COL9A2: variants seen among roughly 807,000 people sequenced by gnomAD.
The protein encoded by COL9A2 is collagen alpha-2(IX) chain.
COL9A2 carries 66 observed loss-of-function variants against 111.6 expected under a neutral mutation model. The observed-to-expected ratio is 0.59, with a 90% CI of 0.48 to 0.73. COL9A2 has a LOEUF of 0.73. Among genes scored for constraint, COL9A2 ranks in the 30% least tolerant of loss-of-function variants. The probability of loss-of-function intolerance (pLI) is 0.00; values close to 1 mark genes in which losing one functional copy is unlikely to be tolerated. For missense variants in COL9A2, 881 were observed against 954.1 expected, an observed-to-expected ratio of 0.92 and a Z score of 1.01; for synonymous variants, 353 against 364.1, an observed-to-expected ratio of 0.97 and a Z score of 0.35.
In COL9A2 at chr1:40,307,594, G is replaced by T; in HGVS notation, c.955-95C>A. 6.3e-7 allele frequency: 1 copy of T among 1,579,976 alleles called. No individual in the cohort carries two copies. The highest frequency in any genetic ancestry group is 8.7e-7 in the Non-Finnish European group (1 of 1,153,720). On this transcript the variant is annotated intron_variant, in intron 18 of 31. Coordinates refer to ENST00000372748, the MANE Select transcript of COL9A2 (RefSeq NM_001852.4). The surrounding 1 kb of genome is among the most constrained non-coding windows in gnomAD (Gnocchi z 4.8). ...GCAGGTAGGGAAACTGAGATCCAGA[G>T]GCAAGAAAGGGCATGTCCATGACCT...
Position 40,316,410 on chromosome 1 carries a change from T to G in COL9A2, c.75+713A>C, listed in dbSNP as rs1644219655. On this transcript the variant is annotated intron_variant, in intron 1 of 31. Coordinates refer to ENST00000372748, the MANE Select transcript of COL9A2 (RefSeq NM_001852.4). The surrounding 1 kb of genome is among the most constrained non-coding windows in gnomAD (Gnocchi z 5.5). ...AATGCCCCTGGGTGGGTGTGAGGTT[T>G]CAGGGAGGTCACAAGTCATATCAAG... is the stretch of plus-strand genomic sequence containing the variant. Among the ~76,000 whole-genome samples the G allele has an allele frequency of 6.6e-6, 1 of 152,140 alleles. No homozygotes were observed. The highest frequency in any genetic ancestry group is 2.4e-5 in the African/African-American group (1 of 41,438).
At position 40,302,389 on chromosome 1, in the gene COL9A2, G is replaced by A. The variant is rs1241764900; in HGVS notation, c.1792+232C>T. Among the ~76,000 whole-genome samples the A allele has an allele frequency of 6.6e-6, 1 of 152,288 alleles. No homozygotes were observed. Among genetic ancestry groups the A allele is most frequent in the African/African-American group, 2.4e-5 (1 of 41,564 alleles). ...CTATTGACATGGAAAGATGCTTATG[G>A]GGTACCACTAAGCACATTCAAAAAC... On this transcript the variant is annotated intron_variant, in intron 30 of 31. Coordinates refer to ENST00000372748, the MANE Select transcript of COL9A2 (RefSeq NM_001852.4). The surrounding 1 kb of genome is among the most constrained non-coding windows in gnomAD (Gnocchi z 4.5).
Position 40,301,416 on chromosome 1 carries a change from C to T in COL9A2, c.1871-35G>A, listed in dbSNP as rs1311105782. 3.2e-6 allele frequency: 5 copies of T among 1,569,400 alleles called. No individual in the cohort carries two copies. The East Asian group carries it at 6.8e-5, about 21-fold the overall frequency. On this transcript the variant is annotated intron_variant, in intron 31 of 31. Coordinates refer to ENST00000372748, the MANE Select transcript of COL9A2 (RefSeq NM_001852.4). Reference sequence around the variant, plus strand: ...GGAGAAAGTCAAGACATTAGGGGCACCTCTTGTCTCAGGCCCAGAATTTTG... The same window carrying T: ...GGAGAAAGTCAAGACATTAGGGGCATCTCTTGTCTCAGGCCCAGAATTTTG...
Position 40,304,539 on chromosome 1 carries a change from A to C in COL9A2, c.1162-10T>G, listed in dbSNP as rs754071239. The C allele has an allele frequency of 4.3e-6, 7 of 1,614,082 alleles. No homozygotes were observed. The East Asian group carries it at 1.6e-4, about 36-fold the overall frequency. On this transcript the variant is annotated splice_polypyrimidine_tract_variant and intron_variant, in intron 22 of 31. Coordinates refer to ENST00000372748, the MANE Select transcript of COL9A2 (RefSeq NM_001852.4). ...TCTCGCCTTGGTCACCCTGAAATGG[A>C]AAGAGAAGGTCACAACCTCAGCAGC...
Position 40,301,071 on chromosome 1 carries a change from G to A in COL9A2, c.*111C>T, listed in dbSNP as rs114634369. ...CCTTAGGACTCCTGAGTCCCAGACAGAAGGTCCTGGGGGAGATGGTTTCCT... is the reference window on the plus strand; with the variant it reads ...CCTTAGGACTCCTGAGTCCCAGACAAAAGGTCCTGGGGGAGATGGTTTCCT... On this transcript the variant is annotated 3_prime_UTR_variant, in exon 32 of 32. Coordinates refer to ENST00000372748, the MANE Select transcript of COL9A2 (RefSeq NM_001852.4). 5.7e-4 allele frequency: 652 copies of A among 1,146,684 alleles called. 3 individuals are homozygous for A. In the African/African-American group the frequency reaches 8.6e-3, roughly 15 times the overall value. 71.0% of individuals were successfully genotyped at this position (1,146,684 alleles called of 1,614,324 possible).
chr1:40,312,078 A>G lies in COL9A2; in HGVS notation c.398T>C (p.Ile133Thr), dbSNP rs148136289. ...GCTCACCTTGGGGCCTCGGATTCCA[A>G]TCTCACCAGGGAGGCCAACAGGTCC... ...PPGPVGLPGE[I>T]GIRGPKGDPG... Residue 133 changes from isoleucine to threonine, a missense_variant, in exon 8 of 32, where the codon ATT becomes ACT. Physicochemically the swap from Ile to Thr is moderately conservative, Grantham distance 89. Transcript: ENST00000372748. The surrounding 1 kb of genome is among the most constrained non-coding windows in gnomAD (Gnocchi z 6.0). The G allele has an allele frequency of 2.7e-5, 43 of 1,602,356 alleles. No individual in the cohort carries two copies. The highest frequency in any genetic ancestry group is 1.5e-4 in the African/African-American group (11 of 74,970).
rs781682527 is a variant in COL9A2 at position 40,303,568 on chromosome 1, G to T, written c.1510C>A (p.Arg504=). The change falls in exon 28 of 32, where the codon CGA becomes AGA. Residue 504 remains arginine, a synonymous_variant. Transcript: ENST00000372748. This position sits in a 1 kb window ranked among gnomAD's most constrained non-coding sequence, Gnocchi z 4.6. ...PPGPRGLAGN[R]GVPGQPGRQG... is the part of the protein sequence containing the mutation. ...CTCCCGGGCTGTCCTGGCACGCCTC[G>T]GTTCCCGGCCAGTCCTCGAGGGCCG... 36 of 1,611,032 alleles carry T rather than the reference G, an allele frequency of 2.2e-5. No individual in the cohort carries two copies. In the East Asian group the frequency reaches 7.6e-4, roughly 34 times the overall value.
chr1:40,307,822 C>T lies in COL9A2; in HGVS notation c.901-66G>A, dbSNP rs1557798437. On this transcript the variant is annotated intron_variant, in intron 17 of 31. Coordinates refer to ENST00000372748, the MANE Select transcript of COL9A2 (RefSeq NM_001852.4). This position sits in a 1 kb window ranked among gnomAD's most constrained non-coding sequence, Gnocchi z 4.8. ...GATGTCTGGGGTCTGGCCACCCACC[C>T]CTGTTCCTCTGAGACAGCTGCAGTG... is the stretch of plus-strand genomic sequence containing the variant. 4 of 1,548,860 alleles carry T rather than the reference C, an allele frequency of 2.6e-6. No individual in the cohort carries two copies. Among genetic ancestry groups the T allele is most frequent in the Non-Finnish European group, 3.6e-6 (4 of 1,123,588 alleles).
chr1:40,307,849 G>A lies in COL9A2; in HGVS notation c.901-93C>T. Reference sequence around the variant, plus strand: ...TGTTCCTCTGAGACAGCTGCAGTGTGCAGGGAGGGAGTGGCTCTGGTCATC... The same window carrying A: ...TGTTCCTCTGAGACAGCTGCAGTGTACAGGGAGGGAGTGGCTCTGGTCATC... On this transcript the variant is annotated intron_variant, in intron 17 of 31. Transcript: ENST00000372748. The surrounding 1 kb of genome is among the most constrained non-coding windows in gnomAD (Gnocchi z 4.8). The A allele has an allele frequency of 2.9e-6, 4 of 1,366,792 alleles. No individual in the cohort carries two copies. Among genetic ancestry groups the A allele is most frequent in the Non-Finnish European group, 4.1e-6 (4 of 965,812 alleles). The allele number at this position is 1,366,792 out of a possible 1,614,324, so 84.7% of individuals were successfully genotyped here. A position where few individuals can be genotyped will look rare whatever the true frequency, so the allele number is the denominator to read the frequency against.
chr1:40,316,544 G>A lies in COL9A2; in HGVS notation c.75+579C>T, dbSNP rs922766036. 1.1e-5 allele frequency: 5 copies of A among 450,096 alleles called. No homozygotes were observed. Among genetic ancestry groups the A allele is most frequent in the Admixed American group, 2.4e-5 (1 of 41,960 alleles). 27.9% of individuals were successfully genotyped at this position (450,096 alleles called of 1,614,324 possible). ...AGAGGCCAGCTCGGACCCAGGCAGG[G>A]GTCCCGGTGCCCACGACCTCCCCAG... On this transcript the variant is annotated intron_variant, in intron 1 of 31. Coordinates refer to ENST00000372748, the MANE Select transcript of COL9A2 (RefSeq NM_001852.4). The surrounding 1 kb of genome is among the most constrained non-coding windows in gnomAD (Gnocchi z 5.5).
At chr1:40,313,011 C>T (rs1324646295) in intron 4 of COL9A2, among the ~76,000 whole-genome samples, 1 of 152,174 alleles carries the variant, frequency 6.6e-6, no homozygotes, top group African/African-American at 2.4e-5. Context: ...AAACCAAAGC[C>T]CAAAGATTTG....
At chr1:40,305,061 C>CTTTTTTTTTTTTTTTTT (rs869251364) in intron 21 of COL9A2, 1 of 117,522 alleles carries the variant, frequency 8.5e-6, no homozygotes, top group African/African-American at 5.4e-5. Context: ...TTCTTTCTTT[C>CTTTTTTTTTTTTTTTTT]TTTTTTTTTT....
Position 40,303,592 on chromosome 1 carries a change from CG to C in COL9A2, c.1485del (p.Gly496AlafsTer35), listed in dbSNP as rs761748258. The C allele has an allele frequency of 5.0e-6, 8 of 1,607,616 alleles. No homozygotes were observed. Among genetic ancestry groups the C allele is most frequent in the Non-Finnish European group, 6.8e-6 (8 of 1,177,794 alleles). On this transcript the variant is annotated frameshift_variant, in exon 28 of 32. Coordinates refer to ENST00000372748, the MANE Select transcript of COL9A2 (RefSeq NM_001852.4). LOFTEE classifies it high-confidence loss of function. The surrounding 1 kb of genome is among the most constrained non-coding windows in gnomAD (Gnocchi z 4.6). ...CGGTTCCCGGCCAGTCCTCGAGGGC[CG>C]GGGGGACCAGGGTAGCCCTGAACCC... ...APGVQGYPGPPGPRGLAGNRG... is the reference protein window; with the variant it reads ...APGVQGYPGPXGPRGLAGNRG...
Position 40,303,776 on chromosome 1 carries a change from A to C in COL9A2, c.1401+31T>G, listed in dbSNP as rs1643957868. 6.6e-7 allele frequency: 1 copy of C among 1,520,850 alleles called. No individual in the cohort carries two copies. The highest frequency in any genetic ancestry group is 1.2e-5 in the South Asian group (1 of 82,290). The allele number at this position is 1,520,850 out of a possible 1,614,324, so 94.2% of individuals were successfully genotyped here. ...GAGGAAGGGAGTGGCCGCCCAGGAA[A>C]GTCGGAGAACGCCGGGAGGGGAGGA... On this transcript the variant is annotated intron_variant, in intron 27 of 31. Coordinates refer to ENST00000372748, the MANE Select transcript of COL9A2 (RefSeq NM_001852.4). The surrounding 1 kb of genome is among the most constrained non-coding windows in gnomAD (Gnocchi z 4.6).
chr1:40,313,808 C>T (rs1372487644), intron 4 of COL9A2, among the ~76,000 whole-genome samples: 1 of 152,130 alleles, frequency 6.6e-6, no homozygotes, highest in African/African-American at 2.4e-5. Context: ...TGATGTTTCT[C>T]TCCTGAGTCA....
Position 40,311,084 on chromosome 1 carries a change from T to G in COL9A2, c.630+9A>C. On this transcript the variant is annotated intron_variant, in intron 12 of 31. Transcript: ENST00000372748. This position sits in a 1 kb window ranked among gnomAD's most constrained non-coding sequence, Gnocchi z 5.1. ...TCCCTGACCCACAGCCCTCAGCCCT[T>G]GCACTCACCGGCTTCCCCTGGTGGC... The G allele has an allele frequency of 1.9e-6, 3 of 1,613,984 alleles. No individual in the cohort carries two copies. The highest frequency in any genetic ancestry group is 1.7e-6 in the Non-Finnish European group (2 of 1,180,014).
chr1:40,305,061 CTTTTTTTTTT>C lies in COL9A2; in HGVS notation c.1108-224_1108-215del, dbSNP rs869251364. The stretch of plus-strand genomic sequence containing the variant: ...TTATCATGTGATCATTTCTTTCTTT[CTTTTTTTTTT>C]TTTTTTTTTTTTTTGAGAGGGAGTC... On this transcript the variant is annotated intron_variant, in intron 21 of 31. Transcript: ENST00000372748. 9 of 123,656 alleles carry C rather than the reference CTTTTTTTTTT, an allele frequency of 7.3e-5. No individual in the cohort carries two copies. The East Asian group carries it at 2.3e-3, about 31-fold the overall frequency. 7.7% of individuals were successfully genotyped at this position (123,656 alleles called of 1,614,324 possible). A position where few individuals can be genotyped will look rare whatever the true frequency, so the allele number is the denominator to read the frequency against.
At chr1:40,306,271 A>G in intron 19 of COL9A2, 84 bp from the exon 20 acceptor site, 1 of 1,491,766 alleles carries the variant, frequency 6.7e-7, no homozygotes, top group African/African-American at 1.4e-5. Flanking sequence ...TCCCCAATCC[A>G]GATTTCCCCC....
In COL9A2 at chr1:40,302,742, A is replaced by G. The variant is rs1643933839; in HGVS notation, c.1671T>C (p.Pro557=). Reference sequence around the variant, plus strand: ...ACCCAGGGGGCCCAGGAGGTCCTGGAGGACCCATCATGCCCACCGCACCCA... The same window carrying G: ...ACCCAGGGGGCCCAGGAGGTCCTGGGGGACCCATCATGCCCACCGCACCCA... ...EALGAVGMMG[P]PGPPGPPGYP... Residue 557 remains proline, a synonymous_variant, in exon 30 of 32, where the codon CCT becomes CCC. Transcript: ENST00000372748. This position sits in a 1 kb window ranked among gnomAD's most constrained non-coding sequence, Gnocchi z 4.5. 1 of 1,493,846 alleles carries G rather than the reference A, an allele frequency of 6.7e-7. No individual in the cohort carries two copies. The highest frequency in any genetic ancestry group is 9.0e-7 in the Non-Finnish European group (1 of 1,110,692). The allele number at this position is 1,493,846 out of a possible 1,614,324, so 92.5% of individuals were successfully genotyped here. A position where few individuals can be genotyped will look rare whatever the true frequency, so the allele number is the denominator to read the frequency against.
Sources: gnomAD v4.1 joint callset for allele counts (sites outside exome capture counted in the v4.1 genomes callset) on GRCh38, gnomAD v4.1.1 for gene constraint, Gnocchi (gnomAD v3.1) non-coding constraint, MANE v1.5 for transcripts, NCBI Gene and HGNC (gene_info 2026-07-23, HGNC 2026-07-21) for gene names.